Variants in FECH observed in about 807,000 individuals in gnomAD.
The protein encoded by FECH is ferrochelatase, mitochondrial.
Under a neutral mutation model 56.9 loss-of-function variants are expected in FECH, and 40 were observed. The ratio of observed to expected loss-of-function variants is 0.70; its 90% confidence interval spans 0.55 to 0.92. The LOEUF (loss-of-function observed/expected upper bound fraction) is 0.92, where lower values mean the gene tolerates loss of function less well. Ranked by LOEUF, FECH falls within the 40% of genes least tolerant of loss-of-function variation. The pLI is 0.00. For synonymous variants in FECH, 175 were observed against 198.6 expected (o/e 0.88, Z 1.00); for missense variants, 431 against 529.1 (o/e 0.81, Z 1.82).
intron 7 of FECH, among the ~76,000 whole-genome samples, chr18:57,557,348 C>T (rs2050881571): frequency 6.6e-6 from 1 of 152,134 alleles, no homozygotes; most frequent in African/African-American, 2.4e-5. Context: ...CAATGTCCTC[C>T]CCATACCTGA....
At position 57,547,685 on chromosome 18, in the gene FECH, T is replaced by C. The variant is rs1055385357; in HGVS notation, c.*3027A>G. On this transcript the variant is annotated 3_prime_UTR_variant, in exon 11 of 11. Transcript: ENST00000262093. ...TCTTCCTCTGTCACCCAGGCTGGAGTGCAGTGGTGCAATCACACCTCACTG... is the reference window on the plus strand; with the variant it reads ...TCTTCCTCTGTCACCCAGGCTGGAGCGCAGTGGTGCAATCACACCTCACTG... Among the ~76,000 whole-genome samples, 4 of 152,084 alleles carry C rather than the reference T, an allele frequency of 2.6e-5. No homozygotes were observed. The highest frequency in any genetic ancestry group is 9.7e-5 in the African/African-American group (4 of 41,392).
rs1568140465 is a variant in FECH at position 57,549,270 on chromosome 18, T to C, written c.*1442A>G. On this transcript the variant is annotated 3_prime_UTR_variant, in exon 11 of 11. Transcript: ENST00000262093. ...TCCTGTATTAAAAAAGCTCCTCACA[T>C]TTAATAATTCTGATTTAGATCAGTT... 6.6e-6 allele frequency: 1 copy of C among 152,174 alleles called. No individual in the cohort carries two copies. Among genetic ancestry groups the C allele is most frequent in the African/African-American group, 2.4e-5 (1 of 41,448 alleles). 9.4% of individuals were successfully genotyped at this position (152,174 alleles called of 1,614,324 possible).
chr18:57,580,836 A>G (rs1448378862), intron 1 of FECH, among the ~76,000 whole-genome samples: 1 of 152,164 alleles, frequency 6.6e-6, no homozygotes, highest in Non-Finnish European at 1.5e-5. Flanking sequence ...CCAGCGCCCC[A>G]GGATTCCCTG....
intron 1 of FECH, among the ~76,000 whole-genome samples, chr18:57,586,197 C>G (rs1430532575): frequency 6.6e-6 from 1 of 152,240 alleles, no homozygotes; most frequent in African/African-American, 2.4e-5. Context: ...TTACTATCCT[C>G]TATGGCAGGC....
At chr18:57,558,078 G>A (rs1311704228) in intron 7 of FECH, among the ~76,000 whole-genome samples, 1 of 152,242 alleles carries the variant, frequency 6.6e-6, no homozygotes, top group African/African-American at 2.4e-5. Context: ...CCAGGGGGCG[G>A]TAAGGCCCAG....
chr18:57,580,816 G>C (rs2051267771), intron 1 of FECH, among the ~76,000 whole-genome samples: 1 of 152,116 alleles, frequency 6.6e-6, no homozygotes, highest in Non-Finnish European at 1.5e-5. Context: ...CCACGTGCCA[G>C]ACCAGGCTCC....
rs1285563948 is a variant in FECH, at chr18:57,546,815, C to T, written c.*3897G>A. On this transcript the variant is annotated 3_prime_UTR_variant, in exon 11 of 11. Coordinates refer to ENST00000262093, the MANE Select transcript of FECH (RefSeq NM_000140.5). ...CTCTACTAAAAATACAAAAATTAGC[C>T]GGGCATGGTGGCACACGCCTGAGTA... Among the ~76,000 whole-genome samples, 1 of 151,898 alleles carries T rather than the reference C, an allele frequency of 6.6e-6. No homozygotes were observed. Among genetic ancestry groups the T allele is most frequent in the African/African-American group, 2.4e-5 (1 of 41,374 alleles).
rs113392534 is a variant in FECH at position 57,550,365 on chromosome 18, C to T, written c.*347G>A. ...CTGCCAGCCCACAGAGGGGACTCTC[C>T]GTACCCTTTCAGGAGGGTTTTGGGC... On this transcript the variant is annotated 3_prime_UTR_variant, in exon 11 of 11. Transcript: ENST00000262093. 310 of 295,288 alleles carry T rather than the reference C, an allele frequency of 1.0e-3. No individual in the cohort carries two copies. Among genetic ancestry groups the T allele is most frequent in the African/African-American group, 6.0e-3 (275 of 46,082 alleles). The allele number at this position is 295,288 out of a possible 1,614,324, so 18.3% of individuals were successfully genotyped here.
intron 6 of FECH, among the ~76,000 whole-genome samples, chr18:57,561,609 T>C (rs932656713): frequency 2.6e-5 from 4 of 152,248 alleles, no homozygotes; most frequent in Non-Finnish European, 5.9e-5. Context: ...TTTCATTTTA[T>C]GAACAGAGAC....
At chr18:57,571,370 T>C (rs368187909) in intron 4 of FECH, 22 bp downstream of exon 4, 2 of 1,612,394 alleles carry the variant, frequency 1.2e-6, no homozygotes, top group Non-Finnish European at 1.7e-6. Flanking sequence ...TCTAGTTACA[T>C]GTTAATGAAG....
At chr18:57,574,327 A>C (rs2051155838) in intron 2 of FECH, among the ~76,000 whole-genome samples, 1 of 152,054 alleles carries the variant, frequency 6.6e-6, no homozygotes, top group Non-Finnish European at 1.5e-5. Context: ...TTCCTTCTCC[A>C]AGACCTCCCT....
At chr18:57,551,507 G>C (rs564144172) in intron 9 of FECH, 133 bp from the exon 10 acceptor site, 2 of 712,678 alleles carry the variant, frequency 2.8e-6, no homozygotes, top group Non-Finnish European at 5.0e-6. Context: ...TCAACTGTTC[G>C]CAGACTGCTC....
At chr18:57,582,522 G>A (rs1306356935) in intron 1 of FECH, among the ~76,000 whole-genome samples, 1 of 151,752 alleles carries the variant, frequency 6.6e-6, no homozygotes, top group African/African-American at 2.4e-5. Flanking sequence ...CAGCACTTTG[G>A]GAGGCAGAGG....
intron 7 of FECH, among the ~76,000 whole-genome samples, chr18:57,557,624 C>T (rs191684983): frequency 3.3e-5 from 5 of 152,238 alleles, no homozygotes; most frequent in East Asian, 1.9e-4. Context: ...GGGGAAACCC[C>T]GTCTCTACTA....
intron 9 of FECH, among the ~76,000 whole-genome samples, chr18:57,552,955 C>G (rs2050818698): frequency 6.6e-6 from 1 of 152,100 alleles, no homozygotes. Context: ...CCCAGCTACT[C>G]AGGTAGCTGA....
chr18:57,550,794 T>C lies in FECH; in HGVS notation c.1190A>G (p.Lys397Arg), dbSNP rs1409631472. 6 of 1,613,992 alleles carry C rather than the reference T, an allele frequency of 3.7e-6. No homozygotes were observed. Among genetic ancestry groups the C allele is most frequent in the Non-Finnish European group, 4.2e-6 (5 of 1,180,014 alleles). ...GAGCGGACAGCTCAGGGTCAGCTGC[T>C]TGGAACACAGCTCGTTTGACTGGAT... is the stretch of plus-strand genomic sequence containing the variant. ...SHIQSNELCS[K>R]QLTLSCPLCV... Residue 397 changes from lysine (K) to arginine (R), a missense_variant, in exon 11 of 11, where the codon AAG (lysine) becomes AGG (arginine). Physicochemically the swap from Lys to Arg is conservative, Grantham distance 26. Transcript: ENST00000262093.
intron 7 of FECH, among the ~76,000 whole-genome samples, chr18:57,558,284 A>G (rs1336967902): frequency 1.3e-5 from 2 of 152,260 alleles, no homozygotes; most frequent in African/African-American, 4.8e-5. Flanking sequence ...CACTAGCTTG[A>G]TCATTCTTGT....
At chr18:57,552,558 G>A (rs1427578389) in intron 9 of FECH, among the ~76,000 whole-genome samples, 1 of 151,654 alleles carries the variant, frequency 6.6e-6, no homozygotes, top group Non-Finnish European at 1.5e-5. Context: ...GTACCACCAC[G>A]CTTAGCTAAG....
chr18:57,549,376 A>ATATAGAAGATT lies in FECH; in HGVS notation c.*1325_*1335dup, dbSNP rs892868643. The ATATAGAAGATT allele has an allele frequency of 6.6e-6, 1 of 151,648 alleles. No homozygotes were observed. Among genetic ancestry groups the ATATAGAAGATT allele is most frequent in the Non-Finnish European group, 1.5e-5 (1 of 67,964 alleles). 9.4% of individuals were successfully genotyped at this position (151,648 alleles called of 1,614,324 possible). A position where few individuals can be genotyped will look rare whatever the true frequency, so the allele number is the denominator to read the frequency against. On this transcript the variant is annotated 3_prime_UTR_variant, in exon 11 of 11. Transcript: ENST00000262093. Reference sequence around the variant, plus strand: ...TATTTATTAACATAGCCAATTCTCAATATAGAAGATTTATGAATCTCCTAA... The same window carrying ATATAGAAGATT: ...TATTTATTAACATAGCCAATTCTCAATATAGAAGATTTATAGAAGATTTATGAATCTCCTAA...
Sources: allele counts gnomAD v4.1 joint callset (sites outside exome capture counted in the v4.1 genomes callset), GRCh38; gene constraint gnomAD v4.1.1; transcripts MANE v1.5; gene names NCBI Gene and HGNC (gene_info 2026-07-23, HGNC 2026-07-21).